MSI2: variants seen among roughly 807,000 people sequenced by gnomAD.
MSI2 encodes musashi RNA binding protein 2.
In MSI2, 17 loss-of-function variants were observed where a neutral mutation model predicts 45.6. The ratio of observed to expected loss-of-function variants is 0.37; its 90% CI spans 0.26 to 0.56. The LOEUF is 0.56. MSI2 is among the 20% of genes least tolerant of loss of function. The pLI is 0.77. For missense variants in MSI2, 293 were observed against 444.2 expected (o/e 0.66, Z 3.06); for synonymous variants, 156 against 158.2 (o/e 0.99, Z 0.11).
At chr17:57,650,647 C>G (rs1267934578) in intron 10 of MSI2, among the ~76,000 whole-genome samples, 1 of 152,230 alleles carries the variant, frequency 6.6e-6, no homozygotes, top group African/African-American at 2.4e-5. Context: ...CCCCCTTCAA[C>G]AGCCCTATTA....
intron 5 of MSI2, among the ~76,000 whole-genome samples, chr17:57,262,877 G>A (rs956727054): frequency 6.6e-6 from 1 of 152,190 alleles, no homozygotes; most frequent in Admixed American, 6.5e-5. Context: ...CACTGAGCTT[G>A]CCAGGTGTGG....
At chr17:57,690,561 G>A in the MSI2 span, among the ~76,000 whole-genome samples, 24 of 152,264 alleles carry the variant, frequency 1.6e-4, no homozygotes, top group Admixed American at 3.9e-4. Context: ...TGAGGCTGCC[G>A]TATGTCAAGA....
At chr17:57,502,160 A>G (rs1448708200) in intron 6 of MSI2, among the ~76,000 whole-genome samples, 1 of 152,158 alleles carries the variant, frequency 6.6e-6, no homozygotes, top group Non-Finnish European at 1.5e-5. Flanking sequence ...AGTTGGGGCA[A>G]CCAATAGGAA....
intron 7 of MSI2, among the ~76,000 whole-genome samples, chr17:57,543,937 T>C (rs779511966): frequency 3.3e-5 from 5 of 152,234 alleles, no homozygotes; most frequent in Admixed American, 6.5e-5. Flanking sequence ...TGTTTTTATT[T>C]ATTATGAATT....
intron 10 of MSI2, among the ~76,000 whole-genome samples, chr17:57,643,419 G>T (rs1910403851): frequency 6.6e-6 from 1 of 152,262 alleles, no homozygotes; most frequent in South Asian, 2.1e-4. Context: ...CCCGCTGTGG[G>T]CAGGCAGGGA....
chr17:57,567,728 G>A (rs1426019035), intron 7 of MSI2, among the ~76,000 whole-genome samples: 1 of 152,188 alleles, frequency 6.6e-6, no homozygotes. Flanking sequence ...GGTGGATGGG[G>A]CCACTGCCTC....
chr17:57,645,251 G>A (rs1349620553), intron 10 of MSI2, among the ~76,000 whole-genome samples: 1 of 152,204 alleles, frequency 6.6e-6, no homozygotes, highest in South Asian at 2.1e-4. Flanking sequence ...ACTGCACCAA[G>A]TGGAGACATC....
At chr17:57,421,845 A>T (rs1279487943) in intron 6 of MSI2, among the ~76,000 whole-genome samples, 1 of 152,172 alleles carries the variant, frequency 6.6e-6, no homozygotes, top group Non-Finnish European at 1.5e-5. Context: ...CAACAGAGTG[A>T]GGCTTCATCT....
intron 7 of MSI2, among the ~76,000 whole-genome samples, chr17:57,550,616 G>A (rs2144182636): frequency 6.6e-6 from 1 of 152,256 alleles, no homozygotes; most frequent in African/African-American, 2.4e-5. Context: ...AATCAGAAGT[G>A]AAGCAAAAAT....
At chr17:57,691,855 G>A in the MSI2 span, among the ~76,000 whole-genome samples, 2 of 152,090 alleles carry the variant, frequency 1.3e-5, no homozygotes, top group Admixed American at 6.5e-5. Context: ...CTGGCTAGGA[G>A]CTCTAGTACA....
At chr17:57,362,094 C>T (rs1258973805) in intron 5 of MSI2, among the ~76,000 whole-genome samples, 2 of 152,144 alleles carry the variant, frequency 1.3e-5, no homozygotes, top group African/African-American at 4.8e-5. Context: ...TTGACTTTTC[C>T]TTCTGGAACT....
chr17:57,310,706 T>C (rs746980032), intron 5 of MSI2, among the ~76,000 whole-genome samples: 4 of 152,206 alleles, frequency 2.6e-5, no homozygotes, highest in Admixed American at 6.5e-5. Flanking sequence ...TGGTTCTTCA[T>C]TGGGCCTCAG....
chr17:57,568,007 A>G (rs1008163670), intron 7 of MSI2, among the ~76,000 whole-genome samples: 3 of 152,218 alleles, frequency 2.0e-5, no homozygotes, highest in Non-Finnish European at 2.9e-5. Flanking sequence ...ATGACATCCC[A>G]TAAGTGGTGG....
intron 11 of MSI2, among the ~76,000 whole-genome samples, chr17:57,668,258 C>T (rs1039332157): frequency 1.3e-5 from 2 of 151,944 alleles, no homozygotes; most frequent in Non-Finnish European, 2.9e-5. Context: ...TTCCTTACAC[C>T]AATCCGAATG....
At chr17:57,685,242 C>T (rs922263584), downstream of MSI2, among the ~76,000 whole-genome samples, 1 of 152,076 alleles carries the variant, frequency 6.6e-6, no homozygotes, top group Non-Finnish European at 1.5e-5. Context: ...ACCAAACAAA[C>T]GAGAGGATAC....
At chr17:57,505,989 C>T (rs2086219259) in intron 6 of MSI2, among the ~76,000 whole-genome samples, 1 of 152,168 alleles carries the variant, frequency 6.6e-6, no homozygotes, top group Admixed American at 6.5e-5. Flanking sequence ...TCCTGATGGC[C>T]CCCTCCAGAC....
In MSI2 at chr17:57,547,789, C is replaced by CACACACACACAT. The variant is rs1555621979; in HGVS notation, c.454+18065_454+18066insACACACACACAT. On this transcript the variant is annotated intron_variant, in intron 7 of 13. Coordinates refer to ENST00000284073, the MANE Select transcript of MSI2 (RefSeq NM_138962.4). ...ACACACACACACACACACACACACA[C>CACACACACACAT]GTCTCTGGAGAATTAACATAACCTA... Among the ~76,000 whole-genome samples, 974 of 145,158 alleles carry CACACACACACAT rather than the reference C, an allele frequency of 6.7e-3. 11 individuals carry two copies. Among genetic ancestry groups the CACACACACACAT allele is most frequent in the Middle Eastern group, 0.018 (5 of 274 alleles).
intron 10 of MSI2, among the ~76,000 whole-genome samples, chr17:57,636,340 G>A (rs1334884218): frequency 6.6e-6 from 1 of 152,164 alleles, no homozygotes; most frequent in African/African-American, 2.4e-5. Flanking sequence ...TTGACATTTT[G>A]CAAAACATTC....
In MSI2 at chr17:57,516,245, C is replaced by T. The variant is rs74926212; in HGVS notation, c.406-13431C>T. Among the ~76,000 whole-genome samples, 774 of 152,302 alleles carry T rather than the reference C, an allele frequency of 5.1e-3. 7 individuals carry two copies. The highest frequency in any genetic ancestry group is 0.018 in the African/African-American group (728 of 41,548). On this transcript the variant is annotated intron_variant, in intron 6 of 13. Coordinates refer to ENST00000284073, the MANE Select transcript of MSI2 (RefSeq NM_138962.4). ...TCCTGGCAACCACTGATCTGTTCCT[C>T]ATCACAATAATGTTGTCGTTTTGAG...
Sources: gnomAD v4.1 joint callset for allele counts (sites outside exome capture counted in the v4.1 genomes callset) on GRCh38, gnomAD v4.1.1 for gene constraint, MANE v1.5 for transcripts, NCBI Gene and HGNC (gene_info 2026-07-23, HGNC 2026-07-21) for gene names.